The following NRXN3 variants were observed in gnomAD, a reference collection of about 807,000 sequenced individuals.
The protein encoded by NRXN3 is neurexin III.
In NRXN3, 32 loss-of-function variants were observed where a neutral mutation model predicts 137.6. The observed-to-expected ratio is 0.23, with a 90% CI of 0.18 to 0.31. NRXN3 has a LOEUF of 0.31. Among genes scored for constraint, NRXN3 ranks in the 10% least tolerant of loss-of-function variants. The pLI, the probability that NRXN3 is intolerant of heterozygous loss-of-function variation, is 1.00. For missense variants in NRXN3, 1,574 were observed against 2,062.5 expected, an observed-to-expected ratio of 0.76 and a Z score of 4.59; for synonymous variants, 798 against 784.5, an observed-to-expected ratio of 1.02 and a Z score of -0.29.
At chr14:78,785,229 C>T (rs2098785237) in intron 8 of NRXN3, among the ~76,000 whole-genome samples, 1 of 152,024 alleles carries the variant, frequency 6.6e-6, no homozygotes, top group African/African-American at 2.4e-5. Flanking sequence ...AATTGTCCAC[C>T]CATTCATCAG....
intron 20 of NRXN3, among the ~76,000 whole-genome samples, chr14:79,845,575 CGACCCAGA>C (rs2141566809): frequency 9.3e-6 from 1 of 107,840 alleles, no homozygotes; most frequent in East Asian, 3.1e-4. Flanking sequence ...AGAGAGAGAC[CGACCCAGA>C]GAGACAGAGA....
chr14:78,825,313 A>G (rs1429780766), intron 10 of NRXN3, among the ~76,000 whole-genome samples: 1 of 152,102 alleles, frequency 6.6e-6, no homozygotes, highest in African/African-American at 2.4e-5. Context: ...GAAGATGATG[A>G]CTCAGAGCAG....
intron 15 of NRXN3, among the ~76,000 whole-genome samples, chr14:79,316,741 TC>T (rs2088828377): frequency 6.6e-6 from 1 of 151,688 alleles, no homozygotes; most frequent in Non-Finnish European, 1.5e-5. Flanking sequence ...TCTCTCTCTC[TC>T]TCTCTCTCTC....
chr14:79,307,559 T>G (rs762972320), intron 15 of NRXN3, among the ~76,000 whole-genome samples: 1 of 152,126 alleles, frequency 6.6e-6, no homozygotes, highest in African/African-American at 2.4e-5. Context: ...TCTTATGAAA[T>G]TGTAGTCAAG....
At chr14:79,689,287 G>T (rs2098707266) in intron 17 of NRXN3, among the ~76,000 whole-genome samples, 2 of 152,064 alleles carry the variant, frequency 1.3e-5, no homozygotes, top group Non-Finnish European at 2.9e-5. Flanking sequence ...AGCTTTTAGA[G>T]TAGCCCTGTA....
At chr14:79,424,403 G>T (rs1348975690) in intron 15 of NRXN3, among the ~76,000 whole-genome samples, 2 of 152,126 alleles carry the variant, frequency 1.3e-5, no homozygotes, top group South Asian at 2.1e-4. Context: ...AGTAAAGGAG[G>T]TAAAAGAATG....
intron 2 of NRXN3, among the ~76,000 whole-genome samples, chr14:78,259,907 G>A (rs2070394695): frequency 1.3e-5 from 2 of 152,166 alleles, no homozygotes; most frequent in African/African-American, 4.8e-5. Context: ...TAGGGAGGAG[G>A]GGCAACGCCT....
intron 4 of NRXN3, among the ~76,000 whole-genome samples, chr14:78,546,566 C>T (rs1321115411): frequency 6.6e-6 from 1 of 152,140 alleles, no homozygotes; most frequent in African/African-American, 2.4e-5. Context: ...TCCCCGTCCC[C>T]ACCTTTAAAA....
At chr14:78,876,120 C>G (rs1418388913) in intron 10 of NRXN3, among the ~76,000 whole-genome samples, 7 of 152,302 alleles carry the variant, frequency 4.6e-5, no homozygotes, top group East Asian at 3.9e-4. Flanking sequence ...TGACCTGAAT[C>G]ATATTAAATC....
At chr14:78,427,324 GTGTT>G (rs769352617) in intron 4 of NRXN3, among the ~76,000 whole-genome samples, 16 of 152,180 alleles carry the variant, frequency 1.1e-4, no homozygotes, top group Non-Finnish European at 2.1e-4. Flanking sequence ...AATTCTAAGT[GTGTT>G]TGTTATGAGC....
At chr14:79,407,517 A>C (rs561189990) in intron 15 of NRXN3, among the ~76,000 whole-genome samples, 1 of 152,284 alleles carries the variant, frequency 6.6e-6, no homozygotes, top group African/African-American at 2.4e-5. Flanking sequence ...CAGAACTCTC[A>C]AATCCATCTT....
intron 15 of NRXN3, among the ~76,000 whole-genome samples, chr14:79,187,841 C>T (rs567468984): frequency 3.3e-5 from 5 of 152,246 alleles, no homozygotes; most frequent in South Asian, 2.1e-4. Flanking sequence ...AAATTGTTTG[C>T]GACTTGAGGA....
At chr14:79,358,585 GAGAAAGAA>G (rs1216743218) in intron 15 of NRXN3, among the ~76,000 whole-genome samples, 4 of 78,056 alleles carry the variant, frequency 5.1e-5, no homozygotes, top group Non-Finnish European at 7.7e-5. Context: ...GAAAGAAAGA[GAGAAAGAA>G]AGAAAGAAAG....
intron 1 of NRXN3, among the ~76,000 whole-genome samples, chr14:78,212,538 G>T (rs2153413786): frequency 6.6e-6 from 1 of 152,264 alleles, no homozygotes; most frequent in African/African-American, 2.4e-5. Flanking sequence ...TCTGGTTGTG[G>T]ATTTTTTTCT....
At chr14:79,090,993 A>G (rs1186857597) in intron 15 of NRXN3, among the ~76,000 whole-genome samples, 2 of 152,032 alleles carry the variant, frequency 1.3e-5, no homozygotes, top group Admixed American at 1.3e-4. Context: ...GGGAACTCAC[A>G]AGGAGGTGTC....
chr14:79,803,945 G>GTA (rs35861492), intron 19 of NRXN3, among the ~76,000 whole-genome samples: 27 of 140,518 alleles, frequency 1.9e-4, no homozygotes, highest in East Asian at 1.3e-3. Context: ...ATATATATAT[G>GTA]TATATATATA....
intron 20 of NRXN3, among the ~76,000 whole-genome samples, chr14:79,843,883 T>C (rs931046784): frequency 4.6e-5 from 7 of 152,248 alleles, no homozygotes; most frequent in African/African-American, 1.7e-4. Flanking sequence ...ACCCAATATA[T>C]AGTCTTTTAT....
Position 78,617,747 on chromosome 14 carries a change from G to C in NRXN3, c.758-27373G>C, listed in dbSNP as rs181655337. Among the ~76,000 whole-genome samples the C allele has an allele frequency of 2.6e-5, 4 of 151,918 alleles. No homozygotes were observed. The East Asian group carries it at 7.9e-4, about 30-fold the overall frequency. ...TGAGGTGTTAGACTAGAAGATCACT[G>C]TTTCCTTAATTTTAAGCATCTGTGT... is the stretch of plus-strand genomic sequence containing the variant. On this transcript the variant is annotated intron_variant, in intron 4 of 20. Transcript: ENST00000335750.
intron 15 of NRXN3, among the ~76,000 whole-genome samples, chr14:79,274,710 T>G (rs2080002367): frequency 6.6e-6 from 1 of 152,250 alleles, no homozygotes; most frequent in African/African-American, 2.4e-5. Context: ...AGTTCATATT[T>G]TTTTAATCCT....
Sources: gnomAD v4.1 joint callset for allele counts (sites outside exome capture counted in the v4.1 genomes callset) on GRCh38, gnomAD v4.1.1 for gene constraint, MANE v1.5 for transcripts, NCBI Gene and HGNC (gene_info 2026-07-23, HGNC 2026-07-21) for gene names.